The following WDFY4 variants were observed in gnomAD, a reference collection of about 807,000 sequenced individuals.
WDFY4 encodes the protein WDFY family member 4, also known as WD repeat- and FYVE domain-containing protein 4.
A neutral mutation model predicts 351.9 loss-of-function variants in WDFY4; 169 were observed. That is an observed-to-expected ratio of 0.48 (90% CI 0.42 to 0.55). The LOEUF (loss-of-function observed/expected upper bound fraction) is 0.55. Ranked by LOEUF, WDFY4 falls within the 20% of genes least tolerant of loss-of-function variation. WDFY4 has a pLI of 0.00. For synonymous variants in WDFY4, 1,622 were observed against 1,574.6 expected, an observed-to-expected ratio of 1.03 and a Z score of -0.71; for missense variants, 3,803 against 3,935.6, an observed-to-expected ratio of 0.97 and a Z score of 0.90.
At chr10:48,871,516 C>T (rs543537245) in intron 40 of WDFY4, among the ~76,000 whole-genome samples, 2 of 150,950 alleles carry the variant, frequency 1.3e-5, no homozygotes, top group South Asian at 4.2e-4. Flanking sequence ...ATTTTGTTGC[C>T]CAGGCTGAAG....
intron 57 of WDFY4, among the ~76,000 whole-genome samples, chr10:48,972,277 C>A (rs1475532978): frequency 6.6e-6 from 1 of 152,076 alleles, no homozygotes. Flanking sequence ...GCCTCACAGG[C>A]GGTTCAAAAA....
intron 32 of WDFY4, among the ~76,000 whole-genome samples, chr10:48,818,751 A>T (rs1329515265): frequency 6.6e-6 from 1 of 152,220 alleles, no homozygotes; most frequent in African/African-American, 2.4e-5. Context: ...ACAAAAAGAT[A>T]ACATAGTTTT....
intron 47 of WDFY4, chr10:48,913,822 C>G (rs568174833): frequency 2.0e-5 from 32 of 1,613,900 alleles, no homozygotes; most frequent in Non-Finnish European, 2.7e-5. Context: ...ACGGGCAGCC[C>G]GTTGCTGGTC....
intron 47 of WDFY4, among the ~76,000 whole-genome samples, chr10:48,908,536 A>G (rs993597064): frequency 6.6e-6 from 1 of 152,170 alleles, no homozygotes; most frequent in African/African-American, 2.4e-5. Context: ...TCGGTGTTTT[A>G]GATTCTCATG....
At chr10:48,832,965 G>A (rs958344191) in intron 39 of WDFY4, among the ~76,000 whole-genome samples, 1 of 152,212 alleles carries the variant, frequency 6.6e-6, no homozygotes, top group Non-Finnish European at 1.5e-5. Flanking sequence ...CTAGGGGTGT[G>A]AGCCCAGCAA....
At position 48,830,790 on chromosome 10, in the gene WDFY4, A is replaced by T. The variant is rs1465329642; in HGVS notation, c.6431A>T (p.Asp2144Val). 1 of 1,551,644 alleles carries T rather than the reference A, an allele frequency of 6.4e-7. No homozygotes were observed. The highest frequency in any genetic ancestry group is 8.7e-7 in the Non-Finnish European group (1 of 1,146,938). ...QQTLEDAFKI[D>V]LSVKPGEREV... ...ACCCTGGAGGATGCCTTCAAGATCG[A>T]TCTCTCTGTGAAACCTGGAGAGAGG... Residue 2144 changes from aspartate to valine, a missense_variant, in exon 38 of 62, where the codon GAT (aspartate) becomes GTT (valine). Asp to Val is a radical substitution (Grantham distance 152). Around this residue, in one of 3 missense-constraint regions of WDFY4, gnomAD observed 3,054 missense variants for 3,148.6 expected, o/e 0.97. Coordinates refer to ENST00000325239, the MANE Select transcript of WDFY4 (RefSeq NM_001394531.1).
chr10:48,939,342 G>C (rs892086633), intron 47 of WDFY4, among the ~76,000 whole-genome samples: 1 of 152,170 alleles, frequency 6.6e-6, no homozygotes, highest in African/African-American at 2.4e-5. Context: ...TGGTCTCACT[G>C]GCTCTCCCAC....
chr10:48,860,666 C>T (rs567479030), intron 39 of WDFY4, among the ~76,000 whole-genome samples: 14 of 152,114 alleles, frequency 9.2e-5, no homozygotes, highest in Non-Finnish European at 1.6e-4. Context: ...ATTTTTGCCA[C>T]GTATTGTCCT....
At chr10:48,767,278 C>T (rs1589555671) in intron 13 of WDFY4, among the ~76,000 whole-genome samples, 1 of 152,164 alleles carries the variant, frequency 6.6e-6, no homozygotes, top group African/African-American at 2.4e-5. Context: ...GTTGTAAAGT[C>T]CTTAGTACAG....
chr10:48,801,720 G>C (rs924079819), intron 24 of WDFY4, among the ~76,000 whole-genome samples: 1 of 152,198 alleles, frequency 6.6e-6, no homozygotes, highest in Non-Finnish European at 1.5e-5. Flanking sequence ...TTTAAAAAAT[G>C]TAATGCATCT....
intron 51 of WDFY4, among the ~76,000 whole-genome samples, chr10:48,948,552 C>T (rs1319541608): frequency 2.6e-5 from 4 of 152,148 alleles, no homozygotes; most frequent in African/African-American, 4.8e-5. Context: ...CTTTTCACAT[C>T]GGGAGGAGAC....
rs1306864637 is a variant in WDFY4, at chr10:48,946,023, G to A, written c.7750-17G>A. The A allele has an allele frequency of 1.3e-6, 2 of 1,515,004 alleles. No homozygotes were observed. The highest frequency in any genetic ancestry group is 5.0e-5 in the East Asian group (2 of 39,818). 93.8% of individuals were successfully genotyped at this position (1,515,004 alleles called of 1,614,324 possible). The stretch of plus-strand genomic sequence containing the variant: ...CGGGTCTGGGGAGTTAACTCCAGCT[G>A]CACATCTGCCTTCTAGACATTGAAC... On this transcript the variant is annotated splice_polypyrimidine_tract_variant and intron_variant, in intron 49 of 61. Transcript: ENST00000325239.
chr10:48,917,303 G>A (rs968151284), intron 47 of WDFY4, among the ~76,000 whole-genome samples: 8 of 152,172 alleles, frequency 5.3e-5, no homozygotes, highest in African/African-American at 1.9e-4. Context: ...CTCAGAAAGT[G>A]TGGAAAAACA....
In WDFY4 at chr10:48,970,120, A is replaced by G. The variant is rs759346602; in HGVS notation, c.8770-11A>G. On this transcript the variant is annotated splice_polypyrimidine_tract_variant and intron_variant, in intron 56 of 61. Transcript: ENST00000325239. ...CTCCACAGCAGCGCTCATCCCCCTT[A>G]TCTCCTACAGGTCCTGATGACATTC... The G allele has an allele frequency of 1.3e-6, 2 of 1,550,762 alleles. No individual in the cohort carries two copies. Among genetic ancestry groups the G allele is most frequent in the Non-Finnish European group, 1.7e-6 (2 of 1,146,852 alleles).
chr10:48,875,212 ATAT>A (rs2069949719), intron 42 of WDFY4, 72 bp downstream of exon 42: 2 of 883,324 alleles, frequency 2.3e-6, no homozygotes, highest in South Asian at 7.3e-5. Context: ...TTTATTAAAG[ATAT>A]TAAATTAATA....
At chr10:48,708,511 C>T (rs969066895) in intron 1 of WDFY4, among the ~76,000 whole-genome samples, 2 of 152,162 alleles carry the variant, frequency 1.3e-5, no homozygotes, top group Non-Finnish European at 2.9e-5. Context: ...TTGGTGAGGG[C>T]TTTTATTCAG....
rs986584110 is a variant in WDFY4, at chr10:48,966,471, G to T, written c.8437-55G>T. The T allele has an allele frequency of 1.1e-5, 17 of 1,518,376 alleles. No homozygotes were observed. In the Middle Eastern group the frequency reaches 6.8e-4, roughly 61 times the overall value. 94.1% of individuals were successfully genotyped at this position (1,518,376 alleles called of 1,614,324 possible). On this transcript the variant is annotated intron_variant, in intron 54 of 61. Coordinates refer to ENST00000325239, the MANE Select transcript of WDFY4 (RefSeq NM_001394531.1). ...GTGCAGCTACAGTGTGCACAGGGAC[G>T]ACCCCTCCTCTGGGCATCTCTCCCC...
At chr10:48,977,723 G>A (rs889379855) in intron 59 of WDFY4, among the ~76,000 whole-genome samples, 7 of 152,238 alleles carry the variant, frequency 4.6e-5, no homozygotes, top group Non-Finnish European at 8.8e-5. Flanking sequence ...TCATTCATTC[G>A]ATGTGGTCAC....
chr10:48,781,317 A>G (rs2066218062), intron 19 of WDFY4, among the ~76,000 whole-genome samples: 1 of 151,738 alleles, frequency 6.6e-6, no homozygotes, highest in African/African-American at 2.4e-5. Context: ...TTTTTTTGAG[A>G]TAGGATTTCG....
Sources: gnomAD v4.1 joint callset for allele counts (sites outside exome capture counted in the v4.1 genomes callset) on GRCh38, gnomAD v4.1.1 for gene constraint, gnomAD v4.1.1 regional missense constraint, MANE v1.5 for transcripts, NCBI Gene and HGNC (gene_info 2026-07-23, HGNC 2026-07-21) for gene names.